Variants in ADAMTS2 observed in about 807,000 individuals in gnomAD.
ADAMTS2 encodes ADAM metallopeptidase with thrombospondin type 1 motif 2, also known as A disintegrin and metalloproteinase with thrombospondin motifs 2.
In ADAMTS2, 50 loss-of-function variants were observed where a neutral mutation model predicts 123.0. The ratio of observed to expected loss-of-function variants is 0.41; its 90% CI spans 0.32 to 0.51. ADAMTS2 has a LOEUF of 0.51. ADAMTS2 is among the 20% of genes least tolerant of loss of function. ADAMTS2 has a pLI of 0.35. For synonymous variants in ADAMTS2, 678 were observed against 695.4 expected, an observed-to-expected ratio of 0.98 and a Z score of 0.39; for missense variants, 1,494 against 1,705.2, an observed-to-expected ratio of 0.88 and a Z score of 2.18.
Position 179,207,786 on chromosome 5 carries a change from T to G in ADAMTS2, c.689-71A>C. On this transcript the variant is annotated intron_variant, in intron 3 of 21. Transcript: ENST00000251582. ...GGACACAAACCTACCAGGCGCCAGC[T>G]TGGCCATCCTCTCATTTAAAACTCA... 6.5e-6 allele frequency: 9 copies of G among 1,393,442 alleles called. No homozygotes were observed. The South Asian group carries it at 1.0e-4, about 16-fold the overall frequency. 86.3% of individuals were successfully genotyped at this position (1,393,442 alleles called of 1,614,324 possible).
chr5:179,339,069 G>A (rs535595822), intron 2 of ADAMTS2, among the ~76,000 whole-genome samples: 2 of 152,252 alleles, frequency 1.3e-5, no homozygotes, highest in Non-Finnish European at 2.9e-5. Context: ...CCAGGAGAAG[G>A]GTGGCCACAA....
Position 179,188,467 on chromosome 5 carries a change from G to A in ADAMTS2, c.892-7312C>T, listed in dbSNP as rs979088362. Among the ~76,000 whole-genome samples the A allele has an allele frequency of 1.3e-5, 2 of 152,172 alleles. No individual in the cohort carries two copies. The highest frequency in any genetic ancestry group is 2.1e-4 in the South Asian group (1 of 4,822). ...TTTAGGCATTGCATGGTGCCTAAAC[G>A]GGGCTGCCAGAGCCTGGGCTTATCA... On this transcript the variant is annotated intron_variant, in intron 4 of 21. Coordinates refer to ENST00000251582, the MANE Select transcript of ADAMTS2 (RefSeq NM_014244.5). This position sits in a 1 kb window ranked among gnomAD's most constrained non-coding sequence, Gnocchi z 5.1.
chr5:179,290,306 G>A (rs1756148918), intron 2 of ADAMTS2, among the ~76,000 whole-genome samples: 1 of 152,144 alleles, frequency 6.6e-6, no homozygotes, highest in African/African-American at 2.4e-5. Context: ...GCACACATGG[G>A]CTTTCCCTTT....
chr5:179,317,575 C>T lies in ADAMTS2; in HGVS notation c.534+26192G>A, dbSNP rs546619841. ...CTGCACCTCTTCCTGCTGCCCAGAC[C>T]ATGGGTGGCCAGCAGCACTGCAGTG... On this transcript the variant is annotated intron_variant, in intron 2 of 21. Transcript: ENST00000251582. The surrounding 1 kb of genome is among the most constrained non-coding windows in gnomAD (Gnocchi z 4.9). Among the ~76,000 whole-genome samples, 8 of 152,296 alleles carry T rather than the reference C, an allele frequency of 5.3e-5. No individual in the cohort carries two copies. Among genetic ancestry groups the T allele is most frequent in the African/African-American group, 1.7e-4 (7 of 41,558 alleles).
At chr5:179,126,153 G>T in intron 17 of ADAMTS2, 23 bp from the exon 18 acceptor site, 1 of 1,612,778 alleles carries the variant, frequency 6.2e-7, no homozygotes, top group Non-Finnish European at 8.5e-7. Flanking sequence ...AGCTCGACGG[G>T]GGTCGGTGGG....
At position 179,272,136 on chromosome 5, in the gene ADAMTS2, C is replaced by G. The variant is rs1581235523; in HGVS notation, c.688+775G>C. Reference sequence around the variant, plus strand: ...CCTGCAGAACCACATCAGACACCAACCCTGGCTTCACCACAATCCAGGACC... The same window carrying G: ...CCTGCAGAACCACATCAGACACCAAGCCTGGCTTCACCACAATCCAGGACC... On this transcript the variant is annotated intron_variant, in intron 3 of 21. Transcript: ENST00000251582. The surrounding 1 kb of genome is among the most constrained non-coding windows in gnomAD (Gnocchi z 5.8). Among the ~76,000 whole-genome samples, 1 of 152,222 alleles carries G rather than the reference C, an allele frequency of 6.6e-6. No homozygotes were observed. Among genetic ancestry groups the G allele is most frequent in the Non-Finnish European group, 1.5e-5 (1 of 68,034 alleles).
intron 3 of ADAMTS2, among the ~76,000 whole-genome samples, chr5:179,245,786 A>C (rs868440013): frequency 9.5e-4 from 129 of 135,738 alleles, no homozygotes; most frequent in South Asian, 3.9e-3. Flanking sequence ...AAAAAAAAAA[A>C]AAAAAAAAAC....
rs149221202 is a variant in ADAMTS2 at position 179,265,271 on chromosome 5, C to T, written c.688+7640G>A. ...GCTCCACCAAAGATCCAGGCCCTTG[C>T]CAGCCACATTTACCTGGTCGGCTCC... On this transcript the variant is annotated intron_variant, in intron 3 of 21. Transcript: ENST00000251582. Among the ~76,000 whole-genome samples, 732 of 152,366 alleles carry T rather than the reference C, an allele frequency of 4.8e-3. 4 individuals are homozygous for T. Among genetic ancestry groups the T allele is most frequent in the Middle Eastern group, 0.01 (3 of 294 alleles).
chr5:179,220,917 G>A (rs17079221), intron 3 of ADAMTS2, among the ~76,000 whole-genome samples: 5,699 of 152,164 alleles, frequency 0.037, 365 homozygotes, highest in African/African-American at 0.13. Flanking sequence ...GATGCTGCCC[G>A]ACCCTGTGCA....
At chr5:179,160,901 T>G (rs1404212755) in intron 5 of ADAMTS2, among the ~76,000 whole-genome samples, 1 of 152,158 alleles carries the variant, frequency 6.6e-6, no homozygotes, top group Non-Finnish European at 1.5e-5. Context: ...TAATTTCCCA[T>G]TGAGACCCTT....
rs542844941 is a variant in ADAMTS2 at position 179,228,182 on chromosome 5, C to T, written c.689-20467G>A. Among the ~76,000 whole-genome samples, 47 of 152,264 alleles carry T rather than the reference C, an allele frequency of 3.1e-4. No individual in the cohort carries two copies. The highest frequency in any genetic ancestry group is 5.4e-4 in the Non-Finnish European group (37 of 68,016). On this transcript the variant is annotated intron_variant, in intron 3 of 21. Transcript: ENST00000251582. The surrounding 1 kb of genome is among the most constrained non-coding windows in gnomAD (Gnocchi z 5.2). ...GTGGGCCGGAGGCCCCAGGTGTGGG[C>T]GGCCTCCAGGATGAATCAGCTGCAG...
intron 10 of ADAMTS2, among the ~76,000 whole-genome samples, chr5:179,144,572 C>A (rs116046923): frequency 0.038 from 5,731 of 152,280 alleles, 171 homozygotes; most frequent in African/African-American, 0.068. Flanking sequence ...GACAAATATA[C>A]CGACGGAATA....
At chr5:179,125,954 C>T in intron 18 of ADAMTS2, 44 bp downstream of exon 18, 2 of 1,612,150 alleles carry the variant, frequency 1.2e-6, no homozygotes, top group Non-Finnish European at 1.7e-6. Flanking sequence ...CTGGTGGCCC[C>T]TGGCCTGTCT....
chr5:179,200,765 T>A (rs1764544838), intron 4 of ADAMTS2, among the ~76,000 whole-genome samples: 1 of 152,140 alleles, frequency 6.6e-6, no homozygotes, highest in Non-Finnish European at 1.5e-5. Flanking sequence ...GCAGGATCTT[T>A]CCCTGTGGTC....
At chr5:179,319,336 A>G (rs181873366) in intron 2 of ADAMTS2, among the ~76,000 whole-genome samples, 33 of 152,264 alleles carry the variant, frequency 2.2e-4, no homozygotes, top group South Asian at 2.1e-3. Flanking sequence ...TTACCCACAC[A>G]TACACATGTG....
chr5:179,196,009 C>A (rs575180868), intron 4 of ADAMTS2, among the ~76,000 whole-genome samples: 1 of 152,174 alleles, frequency 6.6e-6, no homozygotes, highest in Non-Finnish European at 1.5e-5. Context: ...TGCATCTCTG[C>A]GGCCAGTTTA....
intron 13 of ADAMTS2, among the ~76,000 whole-genome samples, chr5:179,134,624 C>A (rs932192879): frequency 1.3e-5 from 2 of 152,214 alleles, no homozygotes; most frequent in Non-Finnish European, 2.9e-5. Context: ...CTTGTTTTGG[C>A]GTATTTGGTG....
At chr5:179,338,616 G>A (rs73808285) in intron 2 of ADAMTS2, among the ~76,000 whole-genome samples, 145 of 152,276 alleles carry the variant, frequency 9.5e-4, no homozygotes, top group Middle Eastern at 6.8e-3. Flanking sequence ...CAGAGCAGGC[G>A]ACTCAGGCCG....
intron 2 of ADAMTS2, among the ~76,000 whole-genome samples, chr5:179,341,026 A>G (rs555984680): frequency 6.6e-6 from 1 of 152,176 alleles, no homozygotes; most frequent in East Asian, 1.9e-4. Flanking sequence ...TATTATGAAT[A>G]ACTTCCGTCT....
Sources: gnomAD v4.1 joint callset for allele counts (sites outside exome capture counted in the v4.1 genomes callset) on GRCh38, gnomAD v4.1.1 for gene constraint, Gnocchi (gnomAD v3.1) non-coding constraint, MANE v1.5 for transcripts, NCBI Gene and HGNC (gene_info 2026-07-23, HGNC 2026-07-21) for gene names.